The following SLC39A14 variants were observed in gnomAD, a reference collection of about 807,000 sequenced individuals.
SLC39A14 encodes solute carrier family 39 member 14, also known as metal cation symporter ZIP14.
A neutral mutation model predicts 45.5 loss-of-function variants in SLC39A14; 19 were observed. The observed-to-expected ratio is 0.42, with a 90% CI of 0.29 to 0.61. SLC39A14 has a LOEUF of 0.61. Among genes scored for constraint, SLC39A14 ranks in the 20% least tolerant of loss-of-function variants. The probability of loss-of-function intolerance (pLI) is 0.22; values close to 1 mark genes in which losing one functional copy is unlikely to be tolerated. For synonymous variants in SLC39A14, 264 were observed against 251.3 expected, an observed-to-expected ratio of 1.05 and a Z score of -0.48; for missense variants, 447 against 616.5, an observed-to-expected ratio of 0.73 and a Z score of 2.91.
intron 1 of SLC39A14, among the ~76,000 whole-genome samples, chr8:22,375,617 A>G (rs10105262): frequency 0.013 from 1,957 of 151,788 alleles, 42 homozygotes; most frequent in African/African-American, 0.045. Context: ...CCCCCTAATA[A>G]TAGCTGGGAT....
At position 22,408,295 on chromosome 8, in the gene SLC39A14, C is replaced by G. The variant is rs930581455; in HGVS notation, c.271-15C>G. 6.2e-6 allele frequency: 10 copies of G among 1,609,412 alleles called. No homozygotes were observed. The highest frequency in any genetic ancestry group is 1.7e-5 in the Admixed American group (1 of 59,872). On this transcript the variant is annotated splice_polypyrimidine_tract_variant and intron_variant, in intron 2 of 8. Transcript: ENST00000381237. The stretch of plus-strand genomic sequence containing the variant: ...TTTGGGGTCTAAGCGGCTTCCTGCC[C>G]TTCCTGTGTTTCAGTGCTTTAGTTC...
chr8:22,387,599 C>G (rs1223055217), intron 1 of SLC39A14, among the ~76,000 whole-genome samples: 1 of 152,194 alleles, frequency 6.6e-6, no homozygotes, highest in African/African-American at 2.4e-5. Context: ...ACCATACCCC[C>G]TGCCTTGAAG....
intron 1 of SLC39A14, among the ~76,000 whole-genome samples, chr8:22,376,537 T>A (rs1401773029): frequency 6.6e-6 from 1 of 151,812 alleles, no homozygotes; most frequent in Non-Finnish European, 1.5e-5. Flanking sequence ...GGTGTCTGCT[T>A]GATTTCCACA....
intron 2 of SLC39A14, among the ~76,000 whole-genome samples, chr8:22,406,932 G>C (rs1835257383): frequency 6.6e-6 from 1 of 152,326 alleles, no homozygotes; most frequent in South Asian, 2.1e-4. Context: ...GACTCTCAGA[G>C]ATAAGCCCAT....
At chr8:22,415,640 C>G (rs1378095141) in intron 5 of SLC39A14, 129 bp from the exon 6 acceptor site, 1 of 826,078 alleles carries the variant, frequency 1.2e-6, no homozygotes, top group Non-Finnish European at 1.9e-6. Flanking sequence ...GGCACGTGAC[C>G]TGCTTGTGTC....
At chr8:22,432,991 G>A (rs1359318288) in intron 8 of SLC39A14, among the ~76,000 whole-genome samples, 3 of 151,680 alleles carry the variant, frequency 2.0e-5, no homozygotes, top group Non-Finnish European at 4.4e-5. Flanking sequence ...GGTAAAGATG[G>A]GGTCTCCCTA....
intron 1 of SLC39A14, among the ~76,000 whole-genome samples, chr8:22,397,391 A>C (rs913460310): frequency 7.2e-5 from 11 of 152,162 alleles, no homozygotes; most frequent in African/African-American, 2.4e-4. Flanking sequence ...ATCCTGGCTA[A>C]CACAGTGAAA....
intron 3 of SLC39A14, 44 bp from the exon 4 acceptor site, chr8:22,411,993 C>T (rs1297666872): frequency 2.0e-6 from 3 of 1,523,844 alleles, no homozygotes; most frequent in Non-Finnish European, 2.7e-6. Flanking sequence ...CATGTGCCTT[C>T]TCTCCCTGCC....
At chr8:22,413,767 C>T (rs1436437271) in intron 4 of SLC39A14, among the ~76,000 whole-genome samples, 1 of 151,978 alleles carries the variant, frequency 6.6e-6, no homozygotes, top group Admixed American at 6.6e-5. Flanking sequence ...AGGAGCAAGT[C>T]GTTAGATACT....
intron 3 of SLC39A14, among the ~76,000 whole-genome samples, chr8:22,409,468 C>T (rs1226483410): frequency 4.0e-5 from 6 of 151,770 alleles, no homozygotes; most frequent in Admixed American, 2.0e-4. Context: ...CTGCAACCTC[C>T]GCCTCCTGGG....
intron 1 of SLC39A14, among the ~76,000 whole-genome samples, chr8:22,397,304 C>G (rs1001751663): frequency 1.3e-5 from 2 of 152,038 alleles, no homozygotes; most frequent in Admixed American, 6.6e-5. Context: ...CCTGGCCGGG[C>G]GCGGTGGCTC....
intron 1 of SLC39A14, among the ~76,000 whole-genome samples, chr8:22,387,667 G>A (rs975164242): frequency 6.6e-6 from 1 of 152,208 alleles, no homozygotes; most frequent in African/African-American, 2.4e-5. Context: ...GTCTGGCCCT[G>A]AGTGAGAGCT....
intron 1 of SLC39A14, among the ~76,000 whole-genome samples, chr8:22,376,213 A>C (rs4871995): frequency 0.57 from 86,903 of 151,956 alleles, 26,160 homozygotes; most frequent in East Asian, 0.79. Flanking sequence ...CACTCAGTGC[A>C]CAGGCTGGAG....
chr8:22,403,492 G>A (rs569606929), intron 1 of SLC39A14, among the ~76,000 whole-genome samples: 124 of 150,264 alleles, frequency 8.3e-4, no homozygotes, highest in African/African-American at 2.7e-3. Flanking sequence ...TGTTGGCTCA[G>A]CTGGTCTCGA....
At chr8:22,394,432 G>T (rs1220792283) in intron 1 of SLC39A14, among the ~76,000 whole-genome samples, 1 of 150,252 alleles carries the variant, frequency 6.7e-6, no homozygotes, top group Non-Finnish European at 1.5e-5. Context: ...CCATTCTCCT[G>T]CCTCAACCTC....
At position 22,420,178 on chromosome 8, in the gene SLC39A14, A is replaced by T. The variant is rs1252780423; in HGVS notation, c.*480A>T. On this transcript the variant is annotated 3_prime_UTR_variant, in exon 9 of 9. Coordinates refer to ENST00000381237, the MANE Select transcript of SLC39A14 (RefSeq NM_001128431.4). ...GCCAATAGAAGAGACAGGAGACAGGAAGCCTTCCCATTTTTTCAAAGTCTG... is the reference window on the plus strand; with the variant it reads ...GCCAATAGAAGAGACAGGAGACAGGTAGCCTTCCCATTTTTTCAAAGTCTG... 1.3e-5 allele frequency: 13 copies of T among 986,012 alleles called. No individual in the cohort carries two copies. Among genetic ancestry groups the T allele is most frequent in the Non-Finnish European group, 1.4e-5 (12 of 830,476 alleles). 61.1% of individuals were successfully genotyped at this position (986,012 alleles called of 1,614,324 possible). A position where few individuals can be genotyped will look rare whatever the true frequency, so the allele number is the denominator to read the frequency against.
At chr8:22,413,776 C>CT (rs1461302489) in intron 4 of SLC39A14, among the ~76,000 whole-genome samples, 2 of 151,666 alleles carry the variant, frequency 1.3e-5, no homozygotes, top group African/African-American at 4.8e-5. Flanking sequence ...TCGTTAGATA[C>CT]TTTTTTTTGT....
intron 1 of SLC39A14, among the ~76,000 whole-genome samples, chr8:22,372,038 C>A (rs907466382): frequency 5.9e-5 from 9 of 152,130 alleles, no homozygotes; most frequent in Non-Finnish European, 1.2e-4. Flanking sequence ...CCACTTGCAC[C>A]CGGCCCCTTT....
At chr8:22,385,248 G>A (rs1376895096) in intron 1 of SLC39A14, among the ~76,000 whole-genome samples, 1 of 152,148 alleles carries the variant, frequency 6.6e-6, no homozygotes, top group Non-Finnish European at 1.5e-5. Context: ...CCAAAGAACA[G>A]TAAAAGTGAA....
Sources: gnomAD v4.1 joint callset for allele counts (sites outside exome capture counted in the v4.1 genomes callset) on GRCh38, gnomAD v4.1.1 for gene constraint, MANE v1.5 for transcripts, NCBI Gene and HGNC (gene_info 2026-07-23, HGNC 2026-07-21) for gene names.